The following TMEM131L variants were observed in gnomAD, a reference collection of about 807,000 sequenced individuals.
The protein encoded by TMEM131L is transmembrane protein 131-like.
Under a neutral mutation model 192.2 loss-of-function variants are expected in TMEM131L, and 54 were observed. The ratio of observed to expected loss-of-function variants is 0.28; its 90% confidence interval spans 0.23 to 0.35. The LOEUF (loss-of-function observed/expected upper bound fraction) is 0.35, where lower values mean the gene tolerates loss of function less well. TMEM131L is among the 10% of genes least tolerant of loss of function. The probability of loss-of-function intolerance (pLI) is 1.00; values close to 1 mark genes in which losing one functional copy is unlikely to be tolerated. For missense variants in TMEM131L, 1,888 were observed against 1,972.9 expected (o/e 0.96, Z 0.82); for synonymous variants, 701 against 704.9 (o/e 0.99, Z 0.09).
At chr4:153,545,873 C>T (rs1032713444) in intron 3 of TMEM131L, among the ~76,000 whole-genome samples, 7 of 152,022 alleles carry the variant, frequency 4.6e-5, no homozygotes, top group Non-Finnish European at 8.8e-5. Context: ...TATTTCTTAT[C>T]CTCGTGCCTT....
chr4:153,562,874 A>G (rs981317558), intron 7 of TMEM131L, among the ~76,000 whole-genome samples: 5 of 152,250 alleles, frequency 3.3e-5, no homozygotes, highest in Non-Finnish European at 7.3e-5. Context: ...CGTCAGTTGA[A>G]TCATTATGAA....
In TMEM131L at chr4:153,584,951, C is replaced by T. The variant is rs1224984771; in HGVS notation, c.1157+20C>T. The T allele has an allele frequency of 1.3e-6, 2 of 1,541,284 alleles. No homozygotes were observed. The highest frequency in any genetic ancestry group is 1.8e-6 in the Non-Finnish European group (2 of 1,113,942). On this transcript the variant is annotated intron_variant, in intron 12 of 34. Coordinates refer to ENST00000409959, the MANE Select transcript of TMEM131L (RefSeq NM_001131007.2). ...TCAGGGGTAGGTTACTTCCACTTTCCCTGAAATCTTGTATGGTTGTTGTTG... is the reference window on the plus strand; with the variant it reads ...TCAGGGGTAGGTTACTTCCACTTTCTCTGAAATCTTGTATGGTTGTTGTTG...
chr4:153,591,620 G>T (rs1004444786), intron 17 of TMEM131L, among the ~76,000 whole-genome samples: 1 of 152,124 alleles, frequency 6.6e-6, no homozygotes, highest in Non-Finnish European at 1.5e-5. Context: ...GTCCAGCTCC[G>T]GTGGCGGGAA....
chr4:153,491,053 C>T (rs1004983001), intron 3 of TMEM131L, among the ~76,000 whole-genome samples: 2 of 151,820 alleles, frequency 1.3e-5, no homozygotes, highest in Admixed American at 6.6e-5. Flanking sequence ...TTGTCCGTGT[C>T]GAAGTCAGAA....
intron 16 of TMEM131L, among the ~76,000 whole-genome samples, chr4:153,590,486 G>A (rs1377630600): frequency 3.9e-5 from 6 of 152,166 alleles, no homozygotes; most frequent in African/African-American, 1.4e-4. Flanking sequence ...TTTTCCTTGT[G>A]TAATTAATAA....
At chr4:153,546,694 G>A (rs1268252272) in intron 3 of TMEM131L, among the ~76,000 whole-genome samples, 2 of 152,196 alleles carry the variant, frequency 1.3e-5, no homozygotes, top group South Asian at 2.1e-4. Context: ...CTGGGAGGCC[G>A]AGGCGGGCAG....
At chr4:153,585,673 C>A in intron 13 of TMEM131L, 62 bp downstream of exon 13, 2 of 1,121,784 alleles carry the variant, frequency 1.8e-6, no homozygotes, top group East Asian at 2.8e-5. Context: ...AGGTCAGATG[C>A]TGTGAAATTA....
In TMEM131L at chr4:153,543,784, A is replaced by T. The variant is rs1684612639; in HGVS notation, c.240-6289A>T. Among the ~76,000 whole-genome samples the T allele has an allele frequency of 2.6e-5, 4 of 152,208 alleles. No individual in the cohort carries two copies. The South Asian group carries it at 8.3e-4, about 32-fold the overall frequency. On this transcript the variant is annotated intron_variant, in intron 3 of 34. Coordinates refer to ENST00000409959, the MANE Select transcript of TMEM131L (RefSeq NM_001131007.2). ...CACACTGTTTAGAAGAAAGGGACCA[A>T]GGAGATTAATGCAGGGATTTCTGCC...
At position 153,604,127 on chromosome 4, in the gene TMEM131L, A is replaced by G. The variant is rs1274281880; in HGVS notation, c.3115A>G (p.Ile1039Val). The change falls in exon 25 of 35, where the codon ATA (isoleucine) becomes GTA (valine). Residue 1039 changes from isoleucine to valine, a missense_variant. Physicochemically the swap from Ile to Val is conservative, Grantham distance 29. Coordinates refer to ENST00000409959, the MANE Select transcript of TMEM131L (RefSeq NM_001131007.2). ...GATCAGCCTCAGATATGCAAGTGGC[A>G]TAAATGTCAACCTGCAGAAGAATTT... Reference protein sequence around the residue: ...NWISLRYASGINVNLQKNLTL... With the variant: ...NWISLRYASGVNVNLQKNLTL... 1.2e-6 allele frequency: 2 copies of G among 1,614,226 alleles called. No homozygotes were observed.
At chr4:153,587,664 G>C in intron 14 of TMEM131L, 78 bp from the exon 15 acceptor site, 2 of 1,059,114 alleles carry the variant, frequency 1.9e-6, no homozygotes, top group Admixed American at 1.7e-5. Flanking sequence ...ACCAATGTCT[G>C]CTTTGAATTT....
intron 3 of TMEM131L, among the ~76,000 whole-genome samples, chr4:153,497,297 T>C (rs1052993665): frequency 2.0e-5 from 3 of 152,214 alleles, no homozygotes; most frequent in Admixed American, 6.5e-5. Context: ...CATGACATCA[T>C]TGAGCTACTG....
rs1178320668 is a variant in TMEM131L at position 153,564,287 on chromosome 4, C to CAAAAAAAAA, written c.660+5938_660+5946dup. Among the ~76,000 whole-genome samples the CAAAAAAAAA allele has an allele frequency of 1.7e-3, 30 of 17,652 alleles. 3 individuals carry two copies. Among genetic ancestry groups the CAAAAAAAAA allele is most frequent in the African/African-American group, 3.6e-3 (26 of 7,262 alleles). 11.6% of individuals were successfully genotyped at this position (17,652 alleles called of 152,430 possible). A position where few individuals can be genotyped will look rare whatever the true frequency, so the allele number is the denominator to read the frequency against. On this transcript the variant is annotated intron_variant, in intron 7 of 34. Coordinates refer to ENST00000409959, the MANE Select transcript of TMEM131L (RefSeq NM_001131007.2). ...CTGGGAGACGAGCAAAACTCCGTCT[C>CAAAAAAAAA]AAAAAAAAAAAAAAAAAAAAAAAAA...
chr4:153,620,951 C>T, intron 27 of TMEM131L, 71 bp downstream of exon 27: 1 of 1,221,776 alleles, frequency 8.2e-7, no homozygotes. Context: ...TGGCTATTCA[C>T]TTTTAAACTT....
intron 3 of TMEM131L, among the ~76,000 whole-genome samples, chr4:153,518,789 C>T (rs1288688641): frequency 6.6e-6 from 1 of 152,140 alleles, no homozygotes; most frequent in African/African-American, 2.4e-5. Flanking sequence ...TCGGTGATAT[C>T]GAAACTGACT....
chr4:153,572,830 AG>A (rs958064794), intron 7 of TMEM131L, among the ~76,000 whole-genome samples: 1 of 152,128 alleles, frequency 6.6e-6, no homozygotes, highest in African/African-American at 2.4e-5. Context: ...CATCACCCCA[AG>A]GGGAAACTCC....
In TMEM131L at chr4:153,613,706, C is replaced by T. The variant is rs149384812; in HGVS notation, c.3567+1306C>T. Among the ~76,000 whole-genome samples the T allele has an allele frequency of 8.3e-3, 1,266 of 152,166 alleles. 9 individuals are homozygous for T. Among genetic ancestry groups the T allele is most frequent in the Non-Finnish European group, 0.013 (871 of 67,998 alleles). On this transcript the variant is annotated intron_variant, in intron 26 of 34. Transcript: ENST00000409959. The stretch of plus-strand genomic sequence containing the variant: ...TTATAAATTATTCCCATCATCTGTA[C>T]TGCCGTTCTTTCATGTGTGTAGGCT...
chr4:153,576,959 C>T (rs1312907521), intron 7 of TMEM131L, among the ~76,000 whole-genome samples: 1 of 152,142 alleles, frequency 6.6e-6, no homozygotes, highest in Non-Finnish European at 1.5e-5. Context: ...GCATTCGAAG[C>T]ACGAGATGCT....
intron 8 of TMEM131L, among the ~76,000 whole-genome samples, chr4:153,581,131 G>A (rs569579185): frequency 2.6e-5 from 4 of 152,292 alleles, no homozygotes; most frequent in South Asian, 2.1e-4. Context: ...GCGGGTGCCC[G>A]TAGTCCCAGC....
chr4:153,623,899 G>GC (rs926486665), intron 29 of TMEM131L, among the ~76,000 whole-genome samples: 1 of 148,054 alleles, frequency 6.8e-6, no homozygotes, highest in Admixed American at 6.8e-5. Flanking sequence ...TGCCATATTT[G>GC]CTTTTTTTTT....
Sources: allele counts gnomAD v4.1 joint callset (sites outside exome capture counted in the v4.1 genomes callset), GRCh38; gene constraint gnomAD v4.1.1; transcripts MANE v1.5; gene names NCBI Gene and HGNC (gene_info 2026-07-23, HGNC 2026-07-21).